FGD4: variants seen among roughly 807,000 people sequenced by gnomAD.
The protein encoded by FGD4 is FYVE, RhoGEF and PH domain containing 4.
In FGD4, 42 loss-of-function variants were observed where a neutral mutation model predicts 102.0. The ratio of observed to expected loss-of-function variants is 0.41; its 90% CI spans 0.32 to 0.53. The LOEUF is 0.53. Ranked by LOEUF, FGD4 falls within the 20% of genes least tolerant of loss-of-function variation. The pLI, the probability that FGD4 is intolerant of heterozygous loss-of-function variation, is 0.21. For missense variants in FGD4, 902 were observed against 1,078.2 expected, an observed-to-expected ratio of 0.84 and a Z score of 2.29; for synonymous variants, 380 against 375.7, an observed-to-expected ratio of 1.01 and a Z score of -0.13.
intron 3 of FGD4, among the ~76,000 whole-genome samples, chr12:32,579,431 G>C (rs563257596): frequency 1.3e-5 from 2 of 152,244 alleles, no homozygotes; most frequent in African/African-American, 4.8e-5. Context: ...AATCTTCCAA[G>C]TACTGGTTCA....
Position 32,399,826 on chromosome 12 carries a change from G to A in FGD4, c.33G>A (p.Arg11=). MSDEGGSNFR[R]VAIRRKSNPS... ...ACGAGGGCGGCTCCAACTTCAGGCG[G>A]GTGGCGATCCGGCGGAAGTCCAACC... The change falls in exon 1 of 17, where the codon CGG becomes CGA. Residue 11 remains arginine, a synonymous_variant. Transcript: ENST00000534526. The A allele has an allele frequency of 6.5e-7, 1 of 1,531,546 alleles. No homozygotes were observed. Among genetic ancestry groups the A allele is most frequent in the Non-Finnish European group, 8.7e-7 (1 of 1,145,432 alleles). 94.9% of individuals were successfully genotyped at this position (1,531,546 alleles called of 1,614,324 possible). A position where few individuals can be genotyped will look rare whatever the true frequency, so the allele number is the denominator to read the frequency against.
chr12:32,444,282 C>G (rs1163336631), intron 1 of FGD4, among the ~76,000 whole-genome samples: 2 of 152,130 alleles, frequency 1.3e-5, no homozygotes, highest in African/African-American at 2.4e-5. Flanking sequence ...CTTGGCTTCC[C>G]AAAGTGCTGG....
chr12:32,561,235 C>T (rs1420039326), intron 1 of FGD4, among the ~76,000 whole-genome samples: 1 of 151,584 alleles, frequency 6.6e-6, no homozygotes, highest in African/African-American at 2.4e-5. Flanking sequence ...TACAGGCGCC[C>T]ACCACCACAT....
At chr12:32,608,188 C>T in intron 8 of FGD4, 93 bp downstream of exon 8, 3 of 1,503,108 alleles carry the variant, frequency 2.0e-6, no homozygotes, top group Non-Finnish European at 2.8e-6. Context: ...CTCACAGCTA[C>T]TTTAGTCAAA....
At chr12:32,455,957 T>C (rs529856439) in intron 1 of FGD4, among the ~76,000 whole-genome samples, 10 of 152,288 alleles carry the variant, frequency 6.6e-5, no homozygotes, top group African/African-American at 1.9e-4. Flanking sequence ...AGCATAACAA[T>C]AGAAAAAGTA....
At chr12:32,446,630 A>G (rs1007927622) in intron 1 of FGD4, among the ~76,000 whole-genome samples, 45 of 152,190 alleles carry the variant, frequency 3.0e-4, no homozygotes, top group African/African-American at 1.1e-3. Context: ...AAGAAGAGGC[A>G]TGGAAACAGG....
chr12:32,529,620 G>A (rs1266892046), intron 1 of FGD4, among the ~76,000 whole-genome samples: 5 of 150,778 alleles, frequency 3.3e-5, no homozygotes, highest in South Asian at 2.1e-4. Flanking sequence ...TGAGGTGGGC[G>A]GATCATGAGG....
At chr12:32,524,834 A>G (rs2136771003) in intron 1 of FGD4, among the ~76,000 whole-genome samples, 1 of 152,332 alleles carries the variant, frequency 6.6e-6, no homozygotes, top group East Asian at 1.9e-4. Flanking sequence ...AAAAAAAAAA[A>G]AAATGAGCAC....
chr12:32,418,247 C>T (rs1372949225), intron 1 of FGD4, among the ~76,000 whole-genome samples: 4 of 152,060 alleles, frequency 2.6e-5, no homozygotes, highest in East Asian at 1.9e-4. Flanking sequence ...TGAGCCACCG[C>T]GCCTGGCCCT....
intron 1 of FGD4, among the ~76,000 whole-genome samples, chr12:32,434,254 T>G (rs1942154722): frequency 6.6e-6 from 1 of 152,192 alleles, no homozygotes. Flanking sequence ...TTTTATGATG[T>G]TCTAAAACTT....
chr12:32,531,766 G>A lies in FGD4; in HGVS notation c.167-32371G>A, dbSNP rs141895702. ...CAATGTAAATCCTCCTTTTACTTAG[G>A]TTAAGTACCTAAGAGTTAGGATTGC... On this transcript the variant is annotated intron_variant, in intron 1 of 16. Transcript: ENST00000534526. Among the ~76,000 whole-genome samples the A allele has an allele frequency of 3.1e-3, 479 of 152,202 alleles. 2 individuals are homozygous for A. Among genetic ancestry groups the A allele is most frequent in the African/African-American group, 0.011 (458 of 41,522 alleles).
intron 4 of FGD4, among the ~76,000 whole-genome samples, chr12:32,594,591 T>C (rs921998452): frequency 2.6e-5 from 4 of 152,196 alleles, no homozygotes; most frequent in African/African-American, 9.7e-5. Context: ...GGAAAAACTG[T>C]CTTCCACAGA....
At chr12:32,421,381 T>C (rs1941619705) in intron 1 of FGD4, among the ~76,000 whole-genome samples, 1 of 152,222 alleles carries the variant, frequency 6.6e-6, no homozygotes, top group Admixed American at 6.5e-5. Context: ...GACTGGACTT[T>C]CTTTATGTCC....
chr12:32,429,210 T>C (rs150783636), intron 1 of FGD4, among the ~76,000 whole-genome samples: 1 of 152,238 alleles, frequency 6.6e-6, no homozygotes, highest in African/African-American at 2.4e-5. Flanking sequence ...GGGGTTTCTA[T>C]GTGAACATCT....
At chr12:32,598,626 T>C in intron 5 of FGD4, 40 bp downstream of exon 5, 1 of 1,508,494 alleles carries the variant, frequency 6.6e-7, no homozygotes. Context: ...TATTTTGGCA[T>C]TATACATCAT....
intron 2 of FGD4, among the ~76,000 whole-genome samples, chr12:32,567,821 G>A (rs979548232): frequency 6.6e-6 from 1 of 151,492 alleles, no homozygotes; most frequent in African/African-American, 2.4e-5. Context: ...CTCAGTAGCT[G>A]GACTACAGGA....
At chr12:32,616,862 A>G (rs1050672311) in intron 10 of FGD4, among the ~76,000 whole-genome samples, 1 of 152,204 alleles carries the variant, frequency 6.6e-6, no homozygotes. Flanking sequence ...TGGCTAATTT[A>G]TAAAGAACAG....
At chr12:32,485,748 C>T (rs1943879256) in intron 1 of FGD4, 3 of 740,758 alleles carry the variant, frequency 4.0e-6, no homozygotes, top group Middle Eastern at 6.9e-4. Flanking sequence ...CTGACCAAGA[C>T]CTATTTTTAA....
chr12:32,521,372 C>CA (rs60786078), intron 1 of FGD4, among the ~76,000 whole-genome samples: 4,078 of 93,702 alleles, frequency 0.044, 209 homozygotes, highest in Admixed American at 0.13. Context: ...GACTCCGTCT[C>CA]AAAAAAAAAA....
Sources: gnomAD v4.1 joint callset for allele counts (sites outside exome capture counted in the v4.1 genomes callset) on GRCh38, gnomAD v4.1.1 for gene constraint, MANE v1.5 for transcripts, NCBI Gene and HGNC (gene_info 2026-07-23, HGNC 2026-07-21) for gene names.